Variants in KDM4C observed in about 807,000 individuals in gnomAD.
KDM4C encodes lysine-specific demethylase 4C.
A neutral mutation model predicts 129.3 loss-of-function variants in KDM4C; 81 were observed. The ratio of observed to expected loss-of-function variants is 0.63; its 90% CI spans 0.52 to 0.75. KDM4C has a LOEUF of 0.75. Ranked by LOEUF, KDM4C falls within the 30% of genes least tolerant of loss-of-function variation. The pLI, the probability that KDM4C is intolerant of heterozygous loss-of-function variation, is 0.00. For synonymous variants in KDM4C, 573 were observed against 456.1 expected (o/e 1.26, Z -3.26); for missense variants, 1,457 against 1,304.0 (o/e 1.12, Z -1.81).
intron 8 of KDM4C, among the ~76,000 whole-genome samples, chr9:6,931,488 A>G (rs1021580455): frequency 6.6e-6 from 1 of 150,640 alleles, no homozygotes; most frequent in Non-Finnish European, 1.5e-5. Context: ...TCAGTAAGCA[A>G]TAGTCATATA....
At chr9:7,134,287 A>G (rs1840957707) in intron 19 of KDM4C, among the ~76,000 whole-genome samples, 1 of 152,222 alleles carries the variant, frequency 6.6e-6, no homozygotes, top group African/African-American at 2.4e-5. Flanking sequence ...GTTACGAGGG[A>G]AACCTTTTAT....
intron 18 of KDM4C, chr9:7,104,099 A>T (rs1178396884): frequency 2.0e-6 from 1 of 494,190 alleles, no homozygotes; most frequent in Non-Finnish European, 3.7e-6. Flanking sequence ...GTCTGAGTTG[A>T]ATGAGTGAAT....
rs762872528 is a variant in KDM4C at position 6,980,917 on chromosome 9, T to G, written c.922-8T>G. On this transcript the variant is annotated splice_region_variant and splice_polypyrimidine_tract_variant and intron_variant, in intron 8 of 21. Transcript: ENST00000381309. ...CGTTTAACACTCTCCAACCCGGTTG[T>G]GTTTCAGTGCACTTGCAGGAAAGAC... 1 of 1,613,368 alleles carries G rather than the reference T, an allele frequency of 6.2e-7. No homozygotes were observed. Among genetic ancestry groups the G allele is most frequent in the Non-Finnish European group, 8.5e-7 (1 of 1,179,574 alleles).
At chr9:6,794,450 G>A (rs1281042397) in intron 2 of KDM4C, among the ~76,000 whole-genome samples, 1 of 152,202 alleles carries the variant, frequency 6.6e-6, no homozygotes, top group African/African-American at 2.4e-5. Context: ...TAAGTGTAGA[G>A]GGAAGCACTG....
chr9:6,776,352 C>T (rs922839024), intron 1 of KDM4C, among the ~76,000 whole-genome samples: 4 of 152,152 alleles, frequency 2.6e-5, no homozygotes, highest in Non-Finnish European at 4.4e-5. Flanking sequence ...CAACCTCTGC[C>T]TCCCGGGTTC....
At chr9:6,852,863 C>G (rs907490401) in intron 5 of KDM4C, among the ~76,000 whole-genome samples, 1 of 152,110 alleles carries the variant, frequency 6.6e-6, no homozygotes, top group Non-Finnish European at 1.5e-5. Context: ...TGCTTAAAGA[C>G]TCTCTGGACT....
chr9:7,029,931 A>G (rs1826448531), intron 15 of KDM4C, among the ~76,000 whole-genome samples: 1 of 152,214 alleles, frequency 6.6e-6, no homozygotes, highest in Non-Finnish European at 1.5e-5. Flanking sequence ...CTCCAAATAA[A>G]GTATCAGTTG....
chr9:6,775,362 T>C (rs1212838931), intron 1 of KDM4C, among the ~76,000 whole-genome samples: 1 of 152,100 alleles, frequency 6.6e-6, no homozygotes, highest in Non-Finnish European at 1.5e-5. Flanking sequence ...TAATTTTCAC[T>C]GCTGTGTAGT....
intron 8 of KDM4C, among the ~76,000 whole-genome samples, chr9:6,963,637 C>T (rs1830391337): frequency 6.6e-6 from 1 of 152,172 alleles, no homozygotes; most frequent in African/African-American, 2.4e-5. Flanking sequence ...AGAGACAGGA[C>T]ATCTGAGTTG....
At chr9:6,925,998 C>G (rs989110742) in intron 8 of KDM4C, among the ~76,000 whole-genome samples, 1 of 152,152 alleles carries the variant, frequency 6.6e-6, no homozygotes, top group Non-Finnish European at 1.5e-5. Flanking sequence ...TTCCTCTTCC[C>G]TGGATTACTA....
At chr9:7,062,352 C>A (rs1831815820) in intron 17 of KDM4C, among the ~76,000 whole-genome samples, 1 of 151,778 alleles carries the variant, frequency 6.6e-6, no homozygotes, top group Non-Finnish European at 1.5e-5. Flanking sequence ...TTCTAGCTTC[C>A]AAAATTTTCT....
chr9:6,969,397 C>T (rs1411418658), intron 8 of KDM4C, among the ~76,000 whole-genome samples: 1 of 152,126 alleles, frequency 6.6e-6, no homozygotes, highest in Non-Finnish European at 1.5e-5. Context: ...CAAGCCTCCA[C>T]ATTAAGAACA....
intron 8 of KDM4C, among the ~76,000 whole-genome samples, chr9:6,927,357 G>T (rs1363987120): frequency 6.6e-6 from 1 of 152,070 alleles, no homozygotes; most frequent in Admixed American, 6.5e-5. Context: ...CTCGAACTTC[G>T]GGCCTCAAGT....
intron 18 of KDM4C, among the ~76,000 whole-genome samples, chr9:7,117,783 G>T (rs192066079): frequency 3.7e-4 from 56 of 152,214 alleles, no homozygotes; most frequent in African/African-American, 1.3e-3. Flanking sequence ...AGCTTCTAGG[G>T]TCTAGCATCT....
intron 19 of KDM4C, among the ~76,000 whole-genome samples, chr9:7,150,055 G>A (rs1842587027): frequency 6.6e-6 from 1 of 152,186 alleles, no homozygotes; most frequent in African/African-American, 2.4e-5. Flanking sequence ...GAAGGGGTCA[G>A]GGCTACAACT....
At chr9:6,775,077 C>T (rs1822714430) in intron 1 of KDM4C, among the ~76,000 whole-genome samples, 1 of 152,280 alleles carries the variant, frequency 6.6e-6, no homozygotes, top group Admixed American at 6.5e-5. Flanking sequence ...AGTGCAGTGG[C>T]ACAATCTTGT....
intron 21 of KDM4C, 147 bp downstream of exon 21, chr9:7,170,037 T>C (rs776537074): frequency 5.4e-5 from 83 of 1,527,172 alleles, no homozygotes; most frequent in Middle Eastern, 1.8e-4. Context: ...GTGGAACCTA[T>C]TGAATGCAAA....
In KDM4C at chr9:6,961,449, T is replaced by C. The variant is rs186450472; in HGVS notation, c.922-19476T>C. Among the ~76,000 whole-genome samples the C allele has an allele frequency of 1.0e-3, 153 of 152,268 alleles. 1 individual carries two copies. Among genetic ancestry groups the C allele is most frequent in the African/African-American group, 2.8e-3 (117 of 41,562 alleles). ...TATCCACCTACTTTCTGAACAGAGATAGTCGTGGTTGTATAAACTGTCAGA... is the reference window on the plus strand; with the variant it reads ...TATCCACCTACTTTCTGAACAGAGACAGTCGTGGTTGTATAAACTGTCAGA... On this transcript the variant is annotated intron_variant, in intron 8 of 21. Coordinates refer to ENST00000381309, the MANE Select transcript of KDM4C (RefSeq NM_015061.6).
intron 1 of KDM4C, among the ~76,000 whole-genome samples, chr9:6,776,776 G>C (rs888591828): frequency 6.6e-6 from 1 of 151,060 alleles, no homozygotes; most frequent in East Asian, 2.0e-4. Flanking sequence ...TAATTTTTGT[G>C]TTATTTTTAG....
Sources: gnomAD v4.1 joint callset for allele counts (sites outside exome capture counted in the v4.1 genomes callset) on GRCh38, gnomAD v4.1.1 for gene constraint, MANE v1.5 for transcripts, NCBI Gene and HGNC (gene_info 2026-07-23, HGNC 2026-07-21) for gene names.